Variants in PSD3 observed in about 807,000 individuals in gnomAD.
The protein encoded by PSD3 is pleckstrin and Sec7 domain containing 3.
In PSD3, 49 loss-of-function variants were observed where a neutral mutation model predicts 105.5. That is an observed-to-expected ratio of 0.46 (90% confidence interval 0.37 to 0.59). The LOEUF (loss-of-function observed/expected upper bound fraction) is 0.59, where lower values mean the gene tolerates loss of function less well. Among genes scored for constraint, PSD3 ranks in the 20% least tolerant of loss-of-function variants. PSD3 has a pLI of 0.00. For synonymous variants in PSD3, 557 were observed against 457.8 expected (o/e 1.22, Z -2.77); for missense variants, 1,561 against 1,263.8 (o/e 1.24, Z -3.57).
intron 2 of PSD3, among the ~76,000 whole-genome samples, chr8:18,921,726 A>C (rs1821033994): frequency 6.6e-6 from 1 of 152,244 alleles, no homozygotes; most frequent in Admixed American, 6.5e-5. Flanking sequence ...ACACATGGGC[A>C]AAAGTATAAA....
chr8:18,975,656 C>A (rs929826003), intron 1 of PSD3, among the ~76,000 whole-genome samples: 2 of 152,168 alleles, frequency 1.3e-5, no homozygotes, highest in African/African-American at 4.8e-5. Flanking sequence ...TGCTCTAATA[C>A]CATCAGTGTT....
At chr8:18,918,484 T>C (rs1409522902) in intron 2 of PSD3, among the ~76,000 whole-genome samples, 3 of 152,200 alleles carry the variant, frequency 2.0e-5, no homozygotes, top group Admixed American at 6.5e-5. Context: ...AGTCAGGCTG[T>C]AGGCTTCATA....
At chr8:18,596,666 C>T (rs2130548765) in intron 12 of PSD3, among the ~76,000 whole-genome samples, 1 of 151,990 alleles carries the variant, frequency 6.6e-6, no homozygotes, top group South Asian at 2.1e-4. Flanking sequence ...GCCACATAAA[C>T]TAAAAGGATT....
At chr8:18,543,740 A>C (rs1051784087) in intron 15 of PSD3, among the ~76,000 whole-genome samples, 1 of 152,218 alleles carries the variant, frequency 6.6e-6, no homozygotes, top group East Asian at 1.9e-4. Context: ...AAGACCATGT[A>C]AACTGCTACT....
intron 9 of PSD3, among the ~76,000 whole-genome samples, chr8:18,676,594 G>A (rs1054655719): frequency 1.3e-5 from 2 of 152,122 alleles, no homozygotes; most frequent in South Asian, 2.1e-4. Context: ...AGGAAATGCC[G>A]AACAATTGAT....
At chr8:18,751,570 C>T (rs569928703) in intron 9 of PSD3, among the ~76,000 whole-genome samples, 121 of 150,758 alleles carry the variant, frequency 8.0e-4, no homozygotes, top group African/African-American at 2.6e-3. Flanking sequence ...AATGATCACC[C>T]GGAGGCGCCA....
At chr8:18,543,105 G>C (rs756370720) in intron 15 of PSD3, among the ~76,000 whole-genome samples, 1 of 151,744 alleles carries the variant, frequency 6.6e-6, no homozygotes, top group Non-Finnish European at 1.5e-5. Context: ...CGTTTTCTTG[G>C]ACCTGGCCCA....
intron 2 of PSD3, among the ~76,000 whole-genome samples, chr8:18,912,506 A>T (rs1027887333): frequency 6.6e-6 from 1 of 152,234 alleles, no homozygotes; most frequent in African/African-American, 2.4e-5. Flanking sequence ...TTGAAGGAAA[A>T]CCTAAAAATC....
At chr8:19,070,897 T>C (rs143461710) in intron 1 of PSD3, among the ~76,000 whole-genome samples, 9 of 152,282 alleles carry the variant, frequency 5.9e-5, no homozygotes, top group African/African-American at 1.7e-4. Flanking sequence ...AAAATTCAAA[T>C]TTTCTTTAAC....
intron 12 of PSD3, among the ~76,000 whole-genome samples, chr8:18,586,471 G>A (rs1803195660): frequency 6.6e-6 from 1 of 152,182 alleles, no homozygotes; most frequent in Non-Finnish European, 1.5e-5. Flanking sequence ...GAGAAGTCTT[G>A]ATGAAAGGCT....
At chr8:18,572,937 A>C (rs556207044) in intron 13 of PSD3, among the ~76,000 whole-genome samples, 3 of 152,210 alleles carry the variant, frequency 2.0e-5, no homozygotes, top group Non-Finnish European at 4.4e-5. Flanking sequence ...ATAAATATTG[A>C]TTAAACCCCT....
At position 18,799,304 on chromosome 8, in the gene PSD3, T is replaced by C. The variant is rs1232721755; in HGVS notation, c.2073A>G (p.Leu691=). 1 of 1,605,356 alleles carries C rather than the reference T, an allele frequency of 6.2e-7. No individual in the cohort carries two copies. Among genetic ancestry groups the C allele is most frequent in the African/African-American group, 1.3e-5 (1 of 74,814 alleles). ...TCAIMLLNTD[L]HGHNIGKKMT... ...ACAAATCCACACTTACGTGGCCATG[T>C]AGATCGGTATTAAGAAGCATTATTG... Residue 691 remains leucine (L), a synonymous_variant, in exon 8 of 16, where the codon CTA becomes CTG. Coordinates refer to ENST00000327040, the MANE Select transcript of PSD3 (RefSeq NM_015310.4).
intron 1 of PSD3, among the ~76,000 whole-genome samples, chr8:18,997,662 C>T (rs905560835): frequency 3.9e-5 from 6 of 152,038 alleles, no homozygotes; most frequent in South Asian, 2.1e-4. Flanking sequence ...GTGTCCGGTC[C>T]GACCCCACTG....
intron 8 of PSD3, among the ~76,000 whole-genome samples, chr8:18,781,715 C>T (rs538335585): frequency 6.6e-6 from 1 of 152,242 alleles, no homozygotes; most frequent in East Asian, 1.9e-4. Context: ...TGAAGATCTT[C>T]GAGCTTCCTA....
intron 14 of PSD3, among the ~76,000 whole-genome samples, chr8:18,564,603 TG>T (rs1801614046): frequency 6.9e-6 from 1 of 145,484 alleles, no homozygotes; most frequent in South Asian, 2.2e-4. Context: ...CACTCCAGCC[TG>T]GGTGATAGAG....
Position 18,700,856 on chromosome 8 carries a change from T to C in PSD3, c.2173-45171A>G, listed in dbSNP as rs538022613. Among the ~76,000 whole-genome samples the C allele has an allele frequency of 7.9e-5, 12 of 152,318 alleles. No homozygotes were observed. In the South Asian group the frequency reaches 2.5e-3, roughly 32 times the overall value. On this transcript the variant is annotated intron_variant, in intron 9 of 15. Coordinates refer to ENST00000327040, the MANE Select transcript of PSD3 (RefSeq NM_015310.4). ...AATGCCACCATCCTGTGATACAGCC[T>C]TGGAAGAGTCACTTTACATCTCCAG...
At chr8:19,068,223 T>A (rs752675774) in intron 1 of PSD3, among the ~76,000 whole-genome samples, 3 of 142,302 alleles carry the variant, frequency 2.1e-5, no homozygotes, top group Non-Finnish European at 4.8e-5. Context: ...TGGGGGAAGC[T>A]AAGGCTGAGG....
chr8:18,730,866 A>G (rs1803696092), intron 9 of PSD3, among the ~76,000 whole-genome samples: 1 of 152,208 alleles, frequency 6.6e-6, no homozygotes, highest in Non-Finnish European at 1.5e-5. Context: ...ACAAATAAAT[A>G]GCCGATAATA....
chr8:19,065,100 T>C (rs985217744), intron 1 of PSD3, among the ~76,000 whole-genome samples: 7 of 152,206 alleles, frequency 4.6e-5, no homozygotes, highest in Non-Finnish European at 1.5e-5. Flanking sequence ...GGAAGTCCCC[T>C]CTGTTTTAAC....
Sources: gnomAD v4.1 joint callset for allele counts (sites outside exome capture counted in the v4.1 genomes callset) on GRCh38, gnomAD v4.1.1 for gene constraint, MANE v1.5 for transcripts, NCBI Gene and HGNC (gene_info 2026-07-23, HGNC 2026-07-21) for gene names.